Variants in ARHGAP26 observed in about 807,000 individuals in gnomAD.
ARHGAP26 encodes rho GTPase-activating protein 26.
ARHGAP26 carries 38 observed loss-of-function variants against 104.8 expected under a neutral mutation model. The ratio of observed to expected loss-of-function variants is 0.36; its 90% CI spans 0.28 to 0.48. The LOEUF is 0.48. Among genes scored for constraint, ARHGAP26 ranks in the 20% least tolerant of loss-of-function variants. ARHGAP26 has a pLI of 0.99. For synonymous variants in ARHGAP26, 341 were observed against 340.0 expected (o/e 1.00, Z -0.03); for missense variants, 704 against 947.9 (o/e 0.74, Z 3.38).
At chr5:143,053,206 G>A (rs757160001) in intron 14 of ARHGAP26, among the ~76,000 whole-genome samples, 15 of 152,136 alleles carry the variant, frequency 9.9e-5, no homozygotes, top group Non-Finnish European at 8.8e-5. Context: ...CTCTGATTGG[G>A]CAGGCTTAGG....
At chr5:142,925,672 T>A (rs1763807280) in intron 10 of ARHGAP26, among the ~76,000 whole-genome samples, 1 of 152,192 alleles carries the variant, frequency 6.6e-6, no homozygotes, top group Admixed American at 6.5e-5. Context: ...CAGCTGATGC[T>A]CCATTCCTTA....
chr5:142,903,871 T>C (rs1055760183), intron 8 of ARHGAP26, among the ~76,000 whole-genome samples: 1 of 152,296 alleles, frequency 6.6e-6, no homozygotes, highest in Non-Finnish European at 1.5e-5. Flanking sequence ...GGGAATTCCT[T>C]TGGGAACCTG....
intron 10 of ARHGAP26, among the ~76,000 whole-genome samples, chr5:142,927,457 A>G (rs907224435): frequency 1.3e-5 from 2 of 152,104 alleles, no homozygotes; most frequent in African/African-American, 4.8e-5. Flanking sequence ...TTCCCTCATC[A>G]TTATGTCTCT....
chr5:143,207,173 G>T (rs1242103028), intron 20 of ARHGAP26, 25 bp from the exon 21 acceptor site: 2 of 1,607,202 alleles, frequency 1.2e-6, no homozygotes, highest in African/African-American at 2.7e-5. Flanking sequence ...GTGCTGACAA[G>T]TTTTCTGGTT....
chr5:143,179,051 G>T (rs1250538131), intron 20 of ARHGAP26, among the ~76,000 whole-genome samples: 1 of 152,038 alleles, frequency 6.6e-6, no homozygotes. Context: ...TATATTTTTA[G>T]TAGAGACCCG....
chr5:143,176,813 C>G (rs529586289), intron 20 of ARHGAP26, among the ~76,000 whole-genome samples: 1 of 152,150 alleles, frequency 6.6e-6, no homozygotes, highest in South Asian at 2.1e-4. Flanking sequence ...AAAAGAGACT[C>G]GGGTGTCTGA....
At chr5:143,018,076 G>A (rs1399054386) in intron 12 of ARHGAP26, among the ~76,000 whole-genome samples, 2 of 152,132 alleles carry the variant, frequency 1.3e-5, no homozygotes, top group Non-Finnish European at 2.9e-5. Context: ...GTTTTAATTT[G>A]CATTTCTCTG....
At chr5:142,856,351 G>C (rs928935243) in intron 1 of ARHGAP26, among the ~76,000 whole-genome samples, 13 of 152,228 alleles carry the variant, frequency 8.5e-5, no homozygotes, top group African/African-American at 2.9e-4. Context: ...GTATGAGGGT[G>C]CTGATCTGAG....
intron 11 of ARHGAP26, among the ~76,000 whole-genome samples, chr5:142,970,553 T>A (rs1400343738): frequency 5.3e-5 from 8 of 152,182 alleles, no homozygotes; most frequent in African/African-American, 1.9e-4. Context: ...TCTTCCCCTA[T>A]TGTTCCAATA....
chr5:142,984,933 G>A (rs1482170331), intron 11 of ARHGAP26, among the ~76,000 whole-genome samples: 2 of 148,912 alleles, frequency 1.3e-5, no homozygotes, highest in Non-Finnish European at 3.0e-5. Flanking sequence ...AAAAAAAAAA[G>A]CGGTCAGACA....
intron 20 of ARHGAP26, among the ~76,000 whole-genome samples, chr5:143,157,700 A>C (rs536654575): frequency 3.3e-5 from 5 of 152,328 alleles, no homozygotes; most frequent in African/African-American, 1.2e-4. Flanking sequence ...AATGGATGGC[A>C]TTACTATGGT....
chr5:143,166,177 G>T, intron 20 of ARHGAP26: 1 of 1,059,284 alleles, frequency 9.4e-7, no homozygotes, highest in Non-Finnish European at 1.2e-6. Context: ...AACTCATCTA[G>T]AACAACCCCA....
chr5:142,891,353 C>G (rs1213424813), intron 5 of ARHGAP26, among the ~76,000 whole-genome samples: 1 of 151,920 alleles, frequency 6.6e-6, no homozygotes, highest in Non-Finnish European at 1.5e-5. Flanking sequence ...TTGGTTTGAT[C>G]CAGCAGTTAC....
chr5:142,851,352 C>T (rs1240991604), intron 1 of ARHGAP26, among the ~76,000 whole-genome samples: 1 of 152,220 alleles, frequency 6.6e-6, no homozygotes, highest in Non-Finnish European at 1.5e-5. Context: ...CTGCCTCGGC[C>T]TCCCAAAGTG....
At chr5:143,153,834 G>T (rs934858593) in intron 20 of ARHGAP26, among the ~76,000 whole-genome samples, 4 of 152,100 alleles carry the variant, frequency 2.6e-5, no homozygotes, top group African/African-American at 7.2e-5. Context: ...CCTAAAAGAC[G>T]CACGCATGCC....
Position 143,018,886 on chromosome 5 carries a change from C to T in ARHGAP26, c.1144+4770C>T, listed in dbSNP as rs1483583386. 3.9e-5 allele frequency among the ~76,000 whole-genome samples: 6 copies of T among 152,060 alleles called. 1 individual carries two copies. The highest frequency in any genetic ancestry group is 4.1e-4 in the South Asian group (2 of 4,828). ...TCCCCTAAAATAAAATTTTTCTTTG[C>T]GAGTGCATTGAATCATACAGGTTAT... On this transcript the variant is annotated intron_variant, in intron 12 of 22. Transcript: ENST00000645722.
chr5:143,167,482 C>CAAAAAAAAAAAAAAAAAAAAAAAAA (rs6149274), intron 20 of ARHGAP26, among the ~76,000 whole-genome samples: 3 of 60,094 alleles, frequency 5.0e-5, no homozygotes, highest in African/African-American at 2.5e-4. Context: ...GACTCCATCT[C>CAAAAAAAAAAAAAAAAAAAAAAAAA]AAAAAAAAAA....
intron 20 of ARHGAP26, among the ~76,000 whole-genome samples, chr5:143,158,515 T>C (rs1800787635): frequency 6.6e-6 from 1 of 152,158 alleles, no homozygotes. Flanking sequence ...CTCTCCAGCC[T>C]AGGACTCTGT....
At chr5:142,797,315 G>A (rs1761179075) in intron 1 of ARHGAP26, among the ~76,000 whole-genome samples, 4 of 152,242 alleles carry the variant, frequency 2.6e-5, no homozygotes, top group Admixed American at 6.5e-5. Context: ...GATTGAGCCA[G>A]TGTTTTTATA....
Sources: gnomAD v4.1 joint callset for allele counts (sites outside exome capture counted in the v4.1 genomes callset) on GRCh38, gnomAD v4.1.1 for gene constraint, MANE v1.5 for transcripts, NCBI Gene and HGNC (gene_info 2026-07-23, HGNC 2026-07-21) for gene names.